Variants in ERBB2 observed in about 807,000 individuals in gnomAD.
ERBB2 encodes receptor tyrosine-protein kinase erbB-2.
ERBB2 carries 61 observed loss-of-function variants against 149.0 expected under a neutral mutation model. That is an observed-to-expected ratio of 0.41 (90% confidence interval 0.33 to 0.51). The LOEUF (loss-of-function observed/expected upper bound fraction) is 0.51, where lower values mean the gene tolerates loss of function less well. Among genes scored for constraint, ERBB2 ranks in the 20% least tolerant of loss-of-function variants. ERBB2 has a pLI of 0.25. For missense variants in ERBB2, 1,205 were observed against 1,655.1 expected (o/e 0.73, Z 4.72); for synonymous variants, 633 against 678.8 (o/e 0.93, Z 1.05).
intron 14 of ERBB2, chr17:39,716,861 C>G (rs2145696424): frequency 1.9e-6 from 1 of 534,036 alleles, no homozygotes; most frequent in South Asian, 2.3e-5. Context: ...GGGTGGTGAG[C>G]CCTGTGGGCT....
At chr17:39,712,215 CCT>C (rs2058844501) in intron 8 of ERBB2, 105 bp from the exon 9 acceptor site, 2 of 1,536,378 alleles carry the variant, frequency 1.3e-6, no homozygotes, top group East Asian at 2.3e-5. Flanking sequence ...CCCTATATCC[CCT>C]GTCAGTGTGG....
At chr17:39,712,241 C>T (rs1385368473) in intron 8 of ERBB2, 81 bp from the exon 9 acceptor site, 1 of 1,589,126 alleles carries the variant, frequency 6.3e-7, no homozygotes, top group Non-Finnish European at 8.6e-7. Context: ...GGGGCCCGGA[C>T]CCTGATGCTC....
Position 39,726,607 on chromosome 17 carries a change from T to G in ERBB2, c.2918T>G (p.Val973Gly), listed in dbSNP as rs2143136586. 1 of 1,614,134 alleles carries G rather than the reference T, an allele frequency of 6.2e-7. No individual in the cohort carries two copies. The highest frequency in any genetic ancestry group is 8.5e-7 in the Non-Finnish European group (1 of 1,180,012). The change falls in exon 24 of 27, where the codon GTG becomes GGG. Residue 973 changes from valine to glycine, a missense_variant. Physicochemically the swap from Val to Gly is moderately radical, Grantham distance 109. Around this residue, in one of 6 missense-constraint regions of ERBB2, gnomAD observed 63 missense variants for 74.2 expected, o/e 0.85. Transcript: ENST00000269571. This position sits in a 1 kb window ranked among gnomAD's most constrained non-coding sequence, Gnocchi z 5.1. ...TGTCGGCCAAGATTCCGGGAGTTGG[T>G]GTCTGAATTCTCCCGCATGGCCAGG... ...SECRPRFREL[V>G]SEFSRMARDP...
In ERBB2 at chr17:39,712,565, A is replaced by G. The variant is rs2058873395; in HGVS notation, c.1148+117A>G. 4 of 1,289,792 alleles carry G rather than the reference A, an allele frequency of 3.1e-6. No individual in the cohort carries two copies. The South Asian group carries it at 5.6e-5, about 18-fold the overall frequency. The allele number at this position is 1,289,792 out of a possible 1,614,324, so 79.9% of individuals were successfully genotyped here. A position where few individuals can be genotyped will look rare whatever the true frequency, so the allele number is the denominator to read the frequency against. On this transcript the variant is annotated intron_variant, in intron 9 of 26. Coordinates refer to ENST00000269571, the MANE Select transcript of ERBB2 (RefSeq NM_004448.4). ...ACAGAAGTGGGGGGATCAAGAATGC[A>G]AAGAAAGCAGATGGGAGACCAGAGG...
chr17:39,689,601 C>G (rs888872578), intron 2 of ERBB2, among the ~76,000 whole-genome samples: 1 of 151,962 alleles, frequency 6.6e-6, no homozygotes, highest in African/African-American at 2.4e-5. Context: ...AGGGAGTCTC[C>G]CCTTTAGAAA....
chr17:39,697,175 A>T (rs1407367357), upstream of ERBB2, among the ~76,000 whole-genome samples: 1 of 152,088 alleles, frequency 6.6e-6, no homozygotes, highest in Non-Finnish European at 1.5e-5. Flanking sequence ...CTCAAGAGAA[A>T]ATAGGGATAT....
At chr17:39,710,916 C>T (rs534221809) in intron 7 of ERBB2, among the ~76,000 whole-genome samples, 4 of 152,178 alleles carry the variant, frequency 2.6e-5, no homozygotes, top group African/African-American at 7.2e-5. Flanking sequence ...TTTTACCTTT[C>T]GTTTTGTTTT....
chr17:39,693,719 T>C (rs1393665745), upstream of ERBB2, among the ~76,000 whole-genome samples: 3 of 151,114 alleles, frequency 2.0e-5, no homozygotes, highest in Non-Finnish European at 4.4e-5. Context: ...GATTGCACCG[T>C]TGCATTCCAG....
chr17:39,699,603 C>T, upstream of ERBB2: 1 of 1,382,258 alleles, frequency 7.2e-7, no homozygotes, highest in Non-Finnish European at 9.9e-7. Flanking sequence ...CACAACACAT[C>T]CCCCTCCTTG....
In ERBB2 at chr17:39,725,912, G is replaced by C. The variant is rs1483305186; in HGVS notation, c.2872+59G>C. The C allele has an allele frequency of 6.3e-7, 1 of 1,585,270 alleles. No individual in the cohort carries two copies. Among genetic ancestry groups the C allele is most frequent in the Non-Finnish European group, 8.6e-7 (1 of 1,161,156 alleles). Reference sequence around the variant, plus strand: ...AGGGTGGGAGGTCCTGGGTGGAGGAGCCCACAAGGGGCATGAAAGGGGACC... The same window carrying C: ...AGGGTGGGAGGTCCTGGGTGGAGGACCCCACAAGGGGCATGAAAGGGGACC... On this transcript the variant is annotated intron_variant, in intron 23 of 26. Transcript: ENST00000269571. The surrounding 1 kb of genome is among the most constrained non-coding windows in gnomAD (Gnocchi z 4.6).
At chr17:39,717,036 G>C (rs2059172404) in intron 14 of ERBB2, 1 of 460,514 alleles carries the variant, frequency 2.2e-6, no homozygotes, top group African/African-American at 1.9e-5. Context: ...CTACAGAGCA[G>C]TGACTGTTGT....
chr17:39,714,595 G>A (rs540551278), intron 9 of ERBB2, among the ~76,000 whole-genome samples: 1 of 152,156 alleles, frequency 6.6e-6, no homozygotes, highest in East Asian at 1.9e-4. Context: ...CCTAAATGTT[G>A]GTTTTTATTA....
At chr17:39,694,247 ATATATATATATATATATATATG>A (rs1305642015), upstream of ERBB2, among the ~76,000 whole-genome samples, 8,339 of 43,726 alleles carry the variant, frequency 0.19, 1,143 homozygotes, top group Non-Finnish European at 0.27. Flanking sequence ...ATATATATAT[ATATATATATATATATATATATG>A]TGTGTATATA....
At position 39,723,668 on chromosome 17, in the gene ERBB2, C is replaced by A. The variant is rs2145817263; in HGVS notation, c.2208+8C>A. ...TTTGGCACAGTCTACAAGGTCAGGG[C>A]CAGGTCCTGGGGTGGGCGGCCCCAG... On this transcript the variant is annotated splice_region_variant and intron_variant, in intron 18 of 26. Coordinates refer to ENST00000269571, the MANE Select transcript of ERBB2 (RefSeq NM_004448.4). The surrounding 1 kb of genome is among the most constrained non-coding windows in gnomAD (Gnocchi z 6.2). 1 of 1,598,974 alleles carries A rather than the reference C, an allele frequency of 6.3e-7. No individual in the cohort carries two copies. The highest frequency in any genetic ancestry group is 8.5e-7 in the Non-Finnish European group (1 of 1,172,926).
intron 16 of ERBB2, among the ~76,000 whole-genome samples, chr17:39,721,047 C>T (rs1437189746): frequency 2.0e-5 from 3 of 152,136 alleles, no homozygotes; most frequent in African/African-American, 7.2e-5. Context: ...CAGCCTTGAC[C>T]TCCTGGGCTC....
At chr17:39,696,185 T>G (rs2057859780), upstream of ERBB2, among the ~76,000 whole-genome samples, 1 of 151,952 alleles carries the variant, frequency 6.6e-6, no homozygotes, top group Admixed American at 6.6e-5. Flanking sequence ...CCCCTTCCTC[T>G]CCTCTTGTCA....
rs2059764760 is a variant in ERBB2 at position 39,726,431 on chromosome 17, C to G, written c.2873-131C>G. On this transcript the variant is annotated intron_variant, in intron 23 of 26. Coordinates refer to ENST00000269571, the MANE Select transcript of ERBB2 (RefSeq NM_004448.4). This position sits in a 1 kb window ranked among gnomAD's most constrained non-coding sequence, Gnocchi z 5.1. ...CTGAAGACCCCAGAGTCTGGTGCTA[C>G]TTCTCTACCACCTGAGGGCTTTGGG... The G allele has an allele frequency of 2.8e-6, 2 of 709,250 alleles. No individual in the cohort carries two copies. Among genetic ancestry groups the G allele is most frequent in the Non-Finnish European group, 5.1e-6 (2 of 391,642 alleles). The allele number at this position is 709,250 out of a possible 1,614,324, so 43.9% of individuals were successfully genotyped here. A position where few individuals can be genotyped will look rare whatever the true frequency, so the allele number is the denominator to read the frequency against.
At chr17:39,699,020 G>A (rs1003204809), upstream of ERBB2, among the ~76,000 whole-genome samples, 3 of 152,008 alleles carry the variant, frequency 2.0e-5, no homozygotes, top group Non-Finnish European at 4.4e-5. Flanking sequence ...AAGGAATAGG[G>A]TCAGGGGCTC....
chr17:39,715,583 G>C (rs770019100), intron 11 of ERBB2, 47 bp downstream of exon 11: 1 of 1,583,176 alleles, frequency 6.3e-7, no homozygotes, highest in South Asian at 1.1e-5. Context: ...GTCCCAGGGA[G>C]GAGTCCCTGT....
Sources: gnomAD v4.1 joint callset for allele counts (sites outside exome capture counted in the v4.1 genomes callset) on GRCh38, gnomAD v4.1.1 for gene constraint, gnomAD v4.1.1 regional missense constraint, Gnocchi (gnomAD v3.1) non-coding constraint, MANE v1.5 for transcripts, NCBI Gene and HGNC (gene_info 2026-07-23, HGNC 2026-07-21) for gene names.